Variants in CCDC171 observed in about 807,000 individuals in gnomAD.
CCDC171 encodes the protein coiled-coil domain containing 171.
Under a neutral mutation model 168.2 loss-of-function variants are expected in CCDC171, and 177 were observed. The ratio of observed to expected loss-of-function variants is 1.05; its 90% confidence interval spans 0.93 to 1.19. CCDC171 has a LOEUF of 1.19. Among genes scored for constraint, CCDC171 ranks in the 50% most tolerant of loss-of-function variants. The pLI is 0.00. For missense variants in CCDC171, 1,991 were observed against 1,539.0 expected (o/e 1.29, Z -4.91); for synonymous variants, 687 against 540.8 (o/e 1.27, Z -3.75).
intron 25 of CCDC171, among the ~76,000 whole-genome samples, chr9:15,946,607 C>T (rs201076607): frequency 6.6e-6 from 1 of 151,892 alleles, no homozygotes; most frequent in Non-Finnish European, 1.5e-5. Flanking sequence ...AAGGTAATTT[C>T]TACATTCAAT....
Position 15,576,133 on chromosome 9 carries a change from T to TTGTGTGTG in CCDC171, c.178-2696_178-2689dup, listed in dbSNP as rs202239015. ...TAGCTACATATATATCATATTTCAG[T>TTGTGTGTG]TGTGTGTGTGTGTGTGTGTGTGTGT... On this transcript the variant is annotated intron_variant, in intron 3 of 25. Coordinates refer to ENST00000380701, the MANE Select transcript of CCDC171 (RefSeq NM_173550.4). 1.5e-3 allele frequency among the ~76,000 whole-genome samples: 221 copies of TTGTGTGTG among 145,510 alleles called. 2 individuals carry two copies. Among genetic ancestry groups the TTGTGTGTG allele is most frequent in the African/African-American group, 5.2e-3 (204 of 39,138 alleles).
chr9:15,920,955 T>A (rs1431422623), intron 25 of CCDC171, among the ~76,000 whole-genome samples: 1 of 134,404 alleles, frequency 7.4e-6, no homozygotes, highest in Non-Finnish European at 1.7e-5. Flanking sequence ...TTGGGCTCAC[T>A]TAACACTAAA....
chr9:16,071,431 T>C, the CCDC171 span, among the ~76,000 whole-genome samples: 2 of 152,168 alleles, frequency 1.3e-5, no homozygotes, highest in African/African-American at 2.4e-5. Flanking sequence ...TTTGCTCCTC[T>C]CTCCTTGCTC....
rs1337094017 is a variant in CCDC171 at position 15,745,627 on chromosome 9, AG to A, written c.2668del (p.Ala890GlnfsTer13). The A allele has an allele frequency of 6.4e-7, 1 of 1,559,972 alleles. No homozygotes were observed. The highest frequency in any genetic ancestry group is 8.6e-7 in the Non-Finnish European group (1 of 1,157,076). Reference protein sequence around the residue: ...MAELQDVIGKADPNSRICGHL... With the variant: ...MAELQDVIGKXDPNSRICGHL... Reference sequence around the variant, plus strand: ...CTGAATTACAAGACGTCATTGGTAAAGCAGGTATGGTTCCTTCTTTTATGTC... The same window carrying A: ...CTGAATTACAAGACGTCATTGGTAAACAGGTATGGTTCCTTCTTTTATGTC... On this transcript the variant is annotated frameshift_variant, in exon 18 of 26. Coordinates refer to ENST00000380701, the MANE Select transcript of CCDC171 (RefSeq NM_173550.4). LOFTEE classifies it high-confidence loss of function.
chr9:15,784,970 T>G (rs1288152593), intron 21 of CCDC171, among the ~76,000 whole-genome samples: 1 of 152,134 alleles, frequency 6.6e-6, no homozygotes, highest in Non-Finnish European at 1.5e-5. Context: ...TAACAATAAA[T>G]TTTTGTTTCT....
In CCDC171 at chr9:15,630,237, T is replaced by G. The variant is rs1167365110; in HGVS notation, c.822+6824T>G. ...AATTAAAAGACACAGACTGGCAAATTGGATACAGTCAAGACCCATCAGTGT... is the reference window on the plus strand; with the variant it reads ...AATTAAAAGACACAGACTGGCAAATGGGATACAGTCAAGACCCATCAGTGT... On this transcript the variant is annotated intron_variant, in intron 7 of 25. Transcript: ENST00000380701. 9.2e-5 allele frequency among the ~76,000 whole-genome samples: 14 copies of G among 152,150 alleles called. 1 individual carries two copies. Among genetic ancestry groups the G allele is most frequent in the Admixed American group, 9.2e-4 (14 of 15,272 alleles).
At chr9:15,686,805 A>G (rs923422085) in intron 10 of CCDC171, among the ~76,000 whole-genome samples, 1 of 152,196 alleles carries the variant, frequency 6.6e-6, no homozygotes, top group Non-Finnish European at 1.5e-5. Flanking sequence ...GACAACAATA[A>G]TATTTCGGGG....
At position 15,676,441 on chromosome 9, in the gene CCDC171, G is replaced by A. The variant is rs562512731; in HGVS notation, c.1077-2317G>A. Among the ~76,000 whole-genome samples the A allele has an allele frequency of 4.0e-5, 6 of 151,888 alleles. No homozygotes were observed. In the East Asian group the frequency reaches 1.2e-3, roughly 29 times the overall value. ...TGGTGGTGAGGAGCTGTGATCCTTA[G>A]TTGCAAATGCAGAAATCACCCATCT... On this transcript the variant is annotated intron_variant, in intron 9 of 25. Transcript: ENST00000380701.
chr9:15,679,391 C>G (rs1473206346), intron 10 of CCDC171, among the ~76,000 whole-genome samples: 4 of 152,098 alleles, frequency 2.6e-5, no homozygotes, highest in Non-Finnish European at 5.9e-5. Flanking sequence ...ATCTCGATGT[C>G]TCCCTGTTGT....
At chr9:15,991,678 G>T (rs7871039) in intron 3 of CCDC171, among the ~76,000 whole-genome samples, 2 of 151,916 alleles carry the variant, frequency 1.3e-5, no homozygotes. Context: ...TTGATAGACC[G>T]CTAGCAGACT....
In CCDC171 at chr9:15,733,358, G is replaced by T. The variant is rs2054273101; in HGVS notation, c.2049+3560G>T. ...TTGATATTACATGTAAGAACTCTTT[G>T]CCTAAGATTATAGGCACCATTTTTT... On this transcript the variant is annotated intron_variant, in intron 16 of 25. Transcript: ENST00000380701. Among the ~76,000 whole-genome samples, 4 of 151,878 alleles carry T rather than the reference G, an allele frequency of 2.6e-5. No homozygotes were observed. In the South Asian group the frequency reaches 8.3e-4, roughly 32 times the overall value.
At chr9:15,743,437 C>T (rs1398562440) in intron 16 of CCDC171, among the ~76,000 whole-genome samples, 1 of 152,124 alleles carries the variant, frequency 6.6e-6, no homozygotes, top group African/African-American at 2.4e-5. Context: ...CTCCCAAACA[C>T]TGGGATTACA....
At chr9:16,068,237 A>T in the CCDC171 span, among the ~76,000 whole-genome samples, 2 of 151,212 alleles carry the variant, frequency 1.3e-5, no homozygotes, top group East Asian at 1.9e-4. Flanking sequence ...ATACCTAGGA[A>T]TCCAACTTAT....
intron 25 of CCDC171, among the ~76,000 whole-genome samples, chr9:15,936,118 A>G (rs1030762015): frequency 1.3e-5 from 2 of 152,068 alleles, no homozygotes; most frequent in African/African-American, 2.4e-5. Flanking sequence ...GCACAAGACT[A>G]GTGTTCCAGT....
intron 16 of CCDC171, among the ~76,000 whole-genome samples, chr9:15,740,776 G>A (rs563070694): frequency 1.3e-5 from 2 of 152,194 alleles, no homozygotes; most frequent in East Asian, 1.9e-4. Flanking sequence ...AATATGTGGT[G>A]GGGCTGTTCC....
intron 21 of CCDC171, among the ~76,000 whole-genome samples, chr9:15,791,632 G>T (rs893695399): frequency 2.0e-5 from 3 of 152,110 alleles, no homozygotes; most frequent in African/African-American, 7.2e-5. Context: ...CCAACACTAT[G>T]TTGAATGGGA....
chr9:15,950,795 G>T (rs1829058555), intron 25 of CCDC171, among the ~76,000 whole-genome samples: 1 of 151,522 alleles, frequency 6.6e-6, no homozygotes. Flanking sequence ...AATGTAAATG[G>T]ACCAAATGCT....
At chr9:15,878,366 GA>G (rs1014078510) in intron 24 of CCDC171, among the ~76,000 whole-genome samples, 13 of 147,658 alleles carry the variant, frequency 8.8e-5, no homozygotes, top group East Asian at 2.0e-4. Context: ...ACAGGAGTAT[GA>G]AAAAAAAAAC....
rs189201694 is a variant in CCDC171 at position 15,773,500 on chromosome 9, G to T, written c.2672-4100G>T. Among the ~76,000 whole-genome samples the T allele has an allele frequency of 6.3e-4, 96 of 152,170 alleles. 1 individual carries two copies. Among genetic ancestry groups the T allele is most frequent in the Admixed American group, 1.0e-3 (16 of 15,274 alleles). ...TTGGAAAAAGTAATTTCAGAATATA[G>T]GGTTCACTTCTTTCATTAAAGACAC... is the stretch of plus-strand genomic sequence containing the variant. On this transcript the variant is annotated intron_variant, in intron 18 of 25. Coordinates refer to ENST00000380701, the MANE Select transcript of CCDC171 (RefSeq NM_173550.4).
Sources: gnomAD v4.1 joint callset for allele counts (sites outside exome capture counted in the v4.1 genomes callset) on GRCh38, gnomAD v4.1.1 for gene constraint, MANE v1.5 for transcripts, NCBI Gene and HGNC (gene_info 2026-07-23, HGNC 2026-07-21) for gene names.